Variants in CLCN5 observed in about 807,000 individuals in gnomAD.
CLCN5 encodes Cl-/H+ antiporter 5.
A neutral mutation model predicts 54.0 loss-of-function variants in CLCN5; 17 were observed. The observed-to-expected ratio is 0.31, with a 90% CI of 0.22 to 0.47. CLCN5 has a LOEUF of 0.47. Among genes scored for constraint, CLCN5 ranks in the 20% least tolerant of loss-of-function variants. The pLI, the probability that CLCN5 is intolerant of heterozygous loss-of-function variation, is 1.00. For missense variants in CLCN5, 448 were observed against 646.7 expected, an observed-to-expected ratio of 0.69 and a Z score of 3.33; for synonymous variants, 222 against 233.0, an observed-to-expected ratio of 0.95 and a Z score of 0.43.
chrX:50,025,965 A>G (rs1931364784), intron 3 of CLCN5, among the ~76,000 whole-genome samples: 1 of 111,893 alleles, frequency 8.9e-6, no homozygotes, highest in African/African-American at 3.2e-5. Context: ...CCTAAGGTGG[A>G]GGCTTAGATT....
At chrX:50,014,490 C>T (rs191159855) in intron 3 of CLCN5, 1 of 264,188 alleles carries the variant, frequency 3.8e-6, no homozygotes, top group Non-Finnish European at 7.4e-6. Context: ...TTGACACCCT[C>T]TCCCAACATA....
At chrX:50,068,747 C>A (rs1557191220) in intron 4 of CLCN5, among the ~76,000 whole-genome samples, 1 of 110,815 alleles carries the variant, frequency 9.0e-6, no homozygotes, top group Non-Finnish European at 1.9e-5. Context: ...CAGAGGGATT[C>A]ATTACCAAAC....
chrX:49,957,928 G>A (rs185663740), intron 3 of CLCN5, among the ~76,000 whole-genome samples: 1 of 109,808 alleles, frequency 9.1e-6, no homozygotes, highest in South Asian at 4.0e-4. Context: ...GATACAATCC[G>A]CAGGGCTTAT....
intron 3 of CLCN5, among the ~76,000 whole-genome samples, chrX:49,943,234 T>TTGCC: frequency 1.0e-5 from 1 of 100,439 alleles, no homozygotes; most frequent in Non-Finnish European, 2.0e-5. Context: ...TATCCTTCGG[T>TTGCC]CACTTTTTGA....
chrX:49,958,403 G>A (rs1927436851), intron 3 of CLCN5, among the ~76,000 whole-genome samples: 1 of 110,664 alleles, frequency 9.0e-6, no homozygotes, highest in Non-Finnish European at 1.9e-5. Flanking sequence ...TATTCTATAG[G>A]GAAAAAATGT....
At chrX:50,016,009 C>G (rs990616229) in intron 3 of CLCN5, among the ~76,000 whole-genome samples, 18 of 111,347 alleles carry the variant, frequency 1.6e-4, no homozygotes, top group Non-Finnish European at 3.0e-4. Context: ...ACTCTAAAAT[C>G]TCATTTTGGT....
rs782797057 is a variant in CLCN5 at position 49,955,010 on chromosome X, T to A, written c.16+29696T>A. On this transcript the variant is annotated intron_variant, in intron 3 of 14. Transcript: ENST00000376091. ...TTATGACTGATAGAGTAGTGCTGAT[T>A]TTTTTTTAGACAGATAGACCTGGGT... Among the ~76,000 whole-genome samples, 5 of 110,774 alleles carry A rather than the reference T, an allele frequency of 4.5e-5. No homozygotes were observed. The Admixed American group carries it at 4.8e-4, about 11-fold the overall frequency.
intron 3 of CLCN5, among the ~76,000 whole-genome samples, chrX:50,037,823 A>G (rs781812187): frequency 8.9e-6 from 1 of 112,111 alleles, no homozygotes; most frequent in African/African-American, 3.2e-5. Context: ...ATATATGTAA[A>G]ACATACATGT....
At chrX:50,050,707 T>C (rs1312732216) in intron 4 of CLCN5, among the ~76,000 whole-genome samples, 2 of 95,892 alleles carry the variant, frequency 2.1e-5, no homozygotes, top group Non-Finnish European at 4.1e-5. Context: ...TTGACTAGGC[T>C]GGAGTGCAGT....
intron 3 of CLCN5, among the ~76,000 whole-genome samples, chrX:49,963,585 A>T (rs1557175072): frequency 8.9e-6 from 1 of 112,041 alleles, no homozygotes; most frequent in Non-Finnish European, 1.9e-5. Context: ...TTACATTTGG[A>T]AAAAGGGAAT....
At chrX:50,042,277 G>A in intron 3 of CLCN5, 39 bp from the exon 4 acceptor site, 2 of 813,071 alleles carry the variant, frequency 2.5e-6, no homozygotes, top group South Asian at 6.7e-5. Context: ...GGGACTTGAA[G>A]ATCATTGTTA....
chrX:50,048,910 CACACATATACATAT>C (rs781822628), intron 4 of CLCN5, among the ~76,000 whole-genome samples: 1 of 111,296 alleles, frequency 9.0e-6, no homozygotes, highest in African/African-American at 3.3e-5. Flanking sequence ...TACATATATA[CACACATATACATAT>C]ATCTATGAAT....
At chrX:50,008,537 C>T (rs782191425) in intron 3 of CLCN5, 13 of 338,599 alleles carry the variant, frequency 3.8e-5, no homozygotes, top group Non-Finnish European at 6.7e-5. Flanking sequence ...TAGGACAGAG[C>T]GTCTTTCTGT....
chrX:49,952,021 T>A (rs1172622453), intron 3 of CLCN5, among the ~76,000 whole-genome samples: 4 of 112,454 alleles, frequency 3.6e-5, no homozygotes, highest in African/African-American at 6.5e-5. Flanking sequence ...CCTGTGCATA[T>A]GTTTCTAGTT....
chrX:50,063,894 G>A (rs1277474312), intron 4 of CLCN5, among the ~76,000 whole-genome samples: 3 of 110,648 alleles, frequency 2.7e-5, no homozygotes, highest in East Asian at 5.7e-4. Context: ...TATAAACAGA[G>A]CCAAAGACAA....
chrX:50,003,720 A>G (rs971761750), intron 3 of CLCN5: 3 of 269,294 alleles, frequency 1.1e-5, no homozygotes, highest in South Asian at 7.2e-5. Context: ...TCAGTCTTAC[A>G]TGGATCCTGC....
At chrX:49,990,021 G>T (rs782371676) in intron 3 of CLCN5, among the ~76,000 whole-genome samples, 13 of 111,686 alleles carry the variant, frequency 1.2e-4, no homozygotes. Context: ...ATAAGCAGTG[G>T]CATTTCCATC....
intron 3 of CLCN5, among the ~76,000 whole-genome samples, chrX:50,036,168 T>G (rs782154780): frequency 1.5e-3 from 163 of 109,575 alleles, no homozygotes; most frequent in African/African-American, 5.6e-3. Context: ...ATTGAATTGG[T>G]TTCTCATTAC....
intron 3 of CLCN5, among the ~76,000 whole-genome samples, chrX:49,955,397 T>G (rs782652763): frequency 9.0e-6 from 1 of 110,931 alleles, no homozygotes; most frequent in South Asian, 3.9e-4. Flanking sequence ...TGGCATGTTT[T>G]TTTTTTTTTA....
Sources: gnomAD v4.1 joint callset for allele counts (sites outside exome capture counted in the v4.1 genomes callset) on GRCh38, gnomAD v4.1.1 for gene constraint, MANE v1.5 for transcripts, NCBI Gene and HGNC (gene_info 2026-07-23, HGNC 2026-07-21) for gene names.